Variants in CNTN5 observed in about 807,000 individuals in gnomAD.
The protein encoded by CNTN5 is contactin-5.
In CNTN5, 77 loss-of-function variants were observed where a neutral mutation model predicts 129.1. The ratio of observed to expected loss-of-function variants is 0.60; its 90% confidence interval spans 0.50 to 0.72. CNTN5 has a LOEUF of 0.72. Among genes scored for constraint, CNTN5 ranks in the 30% least tolerant of loss-of-function variants. The pLI is 0.00. For synonymous variants in CNTN5, 509 were observed against 465.6 expected (o/e 1.09, Z -1.20); for missense variants, 1,478 against 1,328.8 (o/e 1.11, Z -1.75).
At chr11:99,718,828 T>G (rs1053747190) in intron 3 of CNTN5, among the ~76,000 whole-genome samples, 7 of 152,158 alleles carry the variant, frequency 4.6e-5, no homozygotes, top group African/African-American at 1.4e-4. Flanking sequence ...TCATAGACTT[T>G]AAGTAACTTT....
At chr11:99,702,102 A>G (rs187543977) in intron 3 of CNTN5, among the ~76,000 whole-genome samples, 12 of 151,196 alleles carry the variant, frequency 7.9e-5, no homozygotes, top group Non-Finnish European at 1.8e-4. Flanking sequence ...TCCTTATTAG[A>G]CAAAAGCTCA....
At chr11:99,778,119 T>C (rs973152108) in intron 3 of CNTN5, among the ~76,000 whole-genome samples, 6 of 151,874 alleles carry the variant, frequency 4.0e-5, no homozygotes, top group African/African-American at 1.2e-4. Context: ...ACATCCTCTG[T>C]AGTGTTTAAG....
At chr11:99,821,191 T>C (rs1946790490) in intron 4 of CNTN5, among the ~76,000 whole-genome samples, 1 of 152,238 alleles carries the variant, frequency 6.6e-6, no homozygotes, top group South Asian at 2.1e-4. Context: ...ATAGTCGGTA[T>C]AATTTTCAGC....
At chr11:99,192,308 C>A (rs949176871) in intron 1 of CNTN5, among the ~76,000 whole-genome samples, 4 of 151,824 alleles carry the variant, frequency 2.6e-5, no homozygotes, top group East Asian at 3.9e-4. Context: ...ACACAGGCAA[C>A]CTACCAAGAC....
At chr11:99,433,706 T>C (rs577909871) in intron 2 of CNTN5, among the ~76,000 whole-genome samples, 44 of 152,276 alleles carry the variant, frequency 2.9e-4, no homozygotes, top group African/African-American at 9.9e-4. Context: ...TTCTAACTTG[T>C]ACAATTCTTA....
chr11:100,356,203 C>A lies in CNTN5; in HGVS notation c.3286C>A (p.Pro1096Thr). Residue 1096 changes from proline (P) to threonine (T), a missense_variant, in exon 25 of 25, where the codon CCT becomes ACT. Coordinates refer to ENST00000524871, the MANE Select transcript of CNTN5 (RefSeq NM_014361.4). Reference sequence around the variant, plus strand: ...CACCTTGCTCTTGGCATTGATGATTCCTTCAACTTCCTGGTGAAAACTGCT... The same window carrying A: ...CACCTTGCTCTTGGCATTGATGATTACTTCAACTTCCTGGTGAAAACTGCT... Reference protein sequence around the residue: ...SVTLLLALMIPSTSW With the variant: ...SVTLLLALMITSTSW 1 of 1,606,912 alleles carries A rather than the reference C, an allele frequency of 6.2e-7. No individual in the cohort carries two copies. The highest frequency in any genetic ancestry group is 8.5e-7 in the Non-Finnish European group (1 of 1,175,544).
intron 3 of CNTN5, among the ~76,000 whole-genome samples, chr11:99,661,783 T>C (rs1176323866): frequency 6.6e-6 from 1 of 152,100 alleles, no homozygotes; most frequent in Non-Finnish European, 1.5e-5. Context: ...TTAGTTGAGA[T>C]TGGAACACAT....
chr11:99,118,579 A>G (rs1414925103), intron 1 of CNTN5, among the ~76,000 whole-genome samples: 1 of 152,086 alleles, frequency 6.6e-6, no homozygotes, highest in Admixed American at 6.6e-5. Flanking sequence ...AGTATGGAAA[A>G]TATATAGAAT....
At chr11:99,217,824 G>A (rs1209467589) in intron 1 of CNTN5, among the ~76,000 whole-genome samples, 1 of 151,952 alleles carries the variant, frequency 6.6e-6, no homozygotes, top group Non-Finnish European at 1.5e-5. Context: ...TTGCTAGATT[G>A]CATCCCCTCT....
At chr11:100,256,690 C>T (rs1027234771) in intron 17 of CNTN5, among the ~76,000 whole-genome samples, 1 of 152,040 alleles carries the variant, frequency 6.6e-6, no homozygotes, top group Admixed American at 6.5e-5. Context: ...ACCCAGGAAG[C>T]ATAGGGGGTC....
chr11:100,041,567 T>C (rs1362098520), intron 9 of CNTN5, among the ~76,000 whole-genome samples: 1 of 152,186 alleles, frequency 6.6e-6, no homozygotes, highest in African/African-American at 2.4e-5. Context: ...CCTCCCCATT[T>C]TGCTGGATAC....
In CNTN5 at chr11:100,357,040, A is replaced by G. The variant is rs1276370031; in HGVS notation, c.*820A>G. On this transcript the variant is annotated 3_prime_UTR_variant, in exon 25 of 25. Transcript: ENST00000524871. Reference sequence around the variant, plus strand: ...CTGCAGACATGCTGGCATGGGTGCTAACTTAAAAATGAGATGAATATGGGA... The same window carrying G: ...CTGCAGACATGCTGGCATGGGTGCTGACTTAAAAATGAGATGAATATGGGA... 6.6e-6 allele frequency: 1 copy of G among 151,812 alleles called. No individual in the cohort carries two copies. Among genetic ancestry groups the G allele is most frequent in the Non-Finnish European group, 1.5e-5 (1 of 67,800 alleles). The allele number at this position is 151,812 out of a possible 1,614,324, so 9.4% of individuals were successfully genotyped here.
At chr11:100,014,226 A>G (rs1327411838) in intron 9 of CNTN5, among the ~76,000 whole-genome samples, 6 of 152,128 alleles carry the variant, frequency 3.9e-5, no homozygotes, top group Admixed American at 1.3e-4. Flanking sequence ...AATGTTATAT[A>G]TACCACATTT....
chr11:99,314,134 T>C (rs534828134), intron 1 of CNTN5, among the ~76,000 whole-genome samples: 3 of 152,092 alleles, frequency 2.0e-5, no homozygotes, highest in African/African-American at 7.2e-5. Context: ...ATTAATATAA[T>C]AATGACAGTT....
At chr11:99,973,493 TATC>T (rs1269165507) in intron 8 of CNTN5, among the ~76,000 whole-genome samples, 1 of 152,202 alleles carries the variant, frequency 6.6e-6, no homozygotes, top group Non-Finnish European at 1.5e-5. Context: ...CAGTTTTCCT[TATC>T]ATGCCTTGCA....
chr11:100,233,814 A>C (rs185871638), intron 16 of CNTN5, among the ~76,000 whole-genome samples: 1 of 152,304 alleles, frequency 6.6e-6, no homozygotes, highest in Non-Finnish European at 1.5e-5. Context: ...GGATCTAATT[A>C]AACTAAAGAG....
chr11:99,560,582 C>G (rs548213518), intron 3 of CNTN5, among the ~76,000 whole-genome samples: 1 of 152,068 alleles, frequency 6.6e-6, no homozygotes, highest in Non-Finnish European at 1.5e-5. Context: ...TGAGCCACCG[C>G]GCCCAGCCTG....
chr11:99,819,466 C>G (rs1196296497), intron 3 of CNTN5, 78 bp from the exon 4 acceptor site: 3 of 1,307,298 alleles, frequency 2.3e-6, no homozygotes, highest in African/African-American at 3.0e-5. Context: ...GTAATGTCTT[C>G]AAAGAAACAA....
chr11:99,368,494 A>G (rs946215156), intron 2 of CNTN5, among the ~76,000 whole-genome samples: 1 of 151,980 alleles, frequency 6.6e-6, no homozygotes, highest in Non-Finnish European at 1.5e-5. Context: ...AAAAAAAAAA[A>G]TTGAAAATAT....
Sources: allele counts gnomAD v4.1 joint callset (sites outside exome capture counted in the v4.1 genomes callset), GRCh38; gene constraint gnomAD v4.1.1; transcripts MANE v1.5; gene names NCBI Gene and HGNC (gene_info 2026-07-23, HGNC 2026-07-21).